The following GOLGA7B variants were observed in gnomAD, a reference collection of about 807,000 sequenced individuals.
The protein encoded by GOLGA7B is golgin subfamily A member 7B.
Under a neutral mutation model 21.5 loss-of-function variants are expected in GOLGA7B, and 17 were observed. The ratio of observed to expected loss-of-function variants is 0.79; its 90% confidence interval spans 0.54 to 1.19. The LOEUF (loss-of-function observed/expected upper bound fraction) is 1.19. Among genes scored for constraint, GOLGA7B ranks in the 50% most tolerant of loss-of-function variants. GOLGA7B has a pLI of 0.00. For synonymous variants in GOLGA7B, 87 were observed against 84.0 expected (o/e 1.04, Z -0.19); for missense variants, 169 against 224.4 (o/e 0.75, Z 1.58).
In GOLGA7B at chr10:97,864,097, C is replaced by T. The variant is rs746595503; in HGVS notation, c.291+15C>T. 1 of 1,613,930 alleles carries T rather than the reference C, an allele frequency of 6.2e-7. No individual in the cohort carries two copies. Among genetic ancestry groups the T allele is most frequent in the Non-Finnish European group, 8.5e-7 (1 of 1,179,810 alleles). On this transcript the variant is annotated intron_variant, in intron 3 of 4. Transcript: ENST00000370602. The stretch of plus-strand genomic sequence containing the variant: ...ACTATGAGAAGGTGGCCCCTCCCGC[C>T]CCACCGTGCATCCCTTCCCTCAGGG...
At chr10:97,851,873 T>G (rs531652218) in intron 1 of GOLGA7B, among the ~76,000 whole-genome samples, 6 of 152,342 alleles carry the variant, frequency 3.9e-5, no homozygotes, top group African/African-American at 1.4e-4. Flanking sequence ...CTATGAGACA[T>G]GTGTGACTCT....
chr10:97,860,109 A>G (rs1003874740), intron 2 of GOLGA7B, among the ~76,000 whole-genome samples: 1 of 152,222 alleles, frequency 6.6e-6, no homozygotes, highest in Non-Finnish European at 1.5e-5. Context: ...TAATTTTGAA[A>G]TGAATTTTAA....
chr10:97,869,460 T>C lies in GOLGA7B; in HGVS notation c.*3760T>C, dbSNP rs2050066452. ...GGAGCAGCTCCAGCCTCAGCCAGAC[T>C]GTCCCCGAGGTCCCAAGTGAGGCCC... On this transcript the variant is annotated 3_prime_UTR_variant, in exon 5 of 5. Coordinates refer to ENST00000370602, the MANE Select transcript of GOLGA7B (RefSeq NM_001010917.3). 1 of 152,692 alleles carries C rather than the reference T, an allele frequency of 6.5e-6. No homozygotes were observed. Among genetic ancestry groups the C allele is most frequent in the South Asian group, 2.1e-4 (1 of 4,844 alleles). 9.5% of individuals were successfully genotyped at this position (152,692 alleles called of 1,614,324 possible).
intron 2 of GOLGA7B, 63 bp from the exon 3 acceptor site, chr10:97,863,867 C>G: frequency 6.6e-6 from 10 of 1,525,026 alleles, no homozygotes; most frequent in Non-Finnish European, 8.9e-6. Context: ...ACTTCCAGCC[C>G]TACCTGTGAC....
At chr10:97,854,694 A>G (rs1282199697) in intron 1 of GOLGA7B, among the ~76,000 whole-genome samples, 1 of 152,188 alleles carries the variant, frequency 6.6e-6, no homozygotes, top group Non-Finnish European at 1.5e-5. Flanking sequence ...TACTCTGGCT[A>G]CTTGAGAACC....
intron 4 of GOLGA7B, chr10:97,865,122 A>G (rs1456760597): frequency 6.3e-6 from 1 of 158,666 alleles, no homozygotes; most frequent in East Asian, 1.9e-4. Context: ...CCAAGATTCT[A>G]TTCTTAATCC....
rs1317851649 is a variant in GOLGA7B, at chr10:97,866,187, G to A, written c.*487G>A. 1 of 156,962 alleles carries A rather than the reference G, an allele frequency of 6.4e-6. No homozygotes were observed. Among genetic ancestry groups the A allele is most frequent in the East Asian group, 1.9e-4 (1 of 5,326 alleles). The allele number at this position is 156,962 out of a possible 1,614,324, so 9.7% of individuals were successfully genotyped here. On this transcript the variant is annotated 3_prime_UTR_variant, in exon 5 of 5. Coordinates refer to ENST00000370602, the MANE Select transcript of GOLGA7B (RefSeq NM_001010917.3). ...TCTGTTCCTTCTCATGCCCCTGCAG[G>A]GCCCCGGCCTGTCTATGATCCTGCC...
intron 1 of GOLGA7B, among the ~76,000 whole-genome samples, chr10:97,851,434 G>A (rs904556685): frequency 1.3e-5 from 2 of 152,182 alleles, no homozygotes; most frequent in African/African-American, 4.8e-5. Context: ...CTGTTGCTTG[G>A]CATTGCTTGG....
chr10:97,850,650 T>A (rs918482963), intron 1 of GOLGA7B, among the ~76,000 whole-genome samples: 1 of 152,134 alleles, frequency 6.6e-6, no homozygotes, highest in Non-Finnish European at 1.5e-5. Context: ...CGCGTGTGTG[T>A]GCGTGTGTGA....
chr10:97,850,253 C>A lies in GOLGA7B; in HGVS notation c.-51C>A. The A allele has an allele frequency of 1.4e-6, 2 of 1,412,122 alleles. No homozygotes were observed. Among genetic ancestry groups the A allele is most frequent in the Non-Finnish European group, 1.9e-6 (2 of 1,066,828 alleles). The allele number at this position is 1,412,122 out of a possible 1,614,324, so 87.5% of individuals were successfully genotyped here. ...CCACCTGCTCCCGGGGTCAGCACCG[C>A]GGAGACCCCCCTCGCCCGGCCCCGC... On this transcript the variant is annotated 5_prime_UTR_variant, in exon 1 of 5. Coordinates refer to ENST00000370602, the MANE Select transcript of GOLGA7B (RefSeq NM_001010917.3).
At chr10:97,865,545 T>A (rs532338143) in intron 4 of GOLGA7B, 45 bp from the exon 5 acceptor site, 2 of 1,605,424 alleles carry the variant, frequency 1.2e-6, no homozygotes, top group African/African-American at 2.7e-5. Flanking sequence ...GTCCCACCCC[T>A]GCTCAGCAGC....
At position 97,863,985 on chromosome 10, in the gene GOLGA7B, A is replaced by T; in HGVS notation, c.194A>T (p.Glu65Val). 1.9e-6 allele frequency: 3 copies of T among 1,614,192 alleles called. No individual in the cohort carries two copies. Among genetic ancestry groups the T allele is most frequent in the Non-Finnish European group, 2.5e-6 (3 of 1,180,028 alleles). Residue 65 changes from glutamate to valine, a missense_variant, in exon 3 of 5, where the codon GAG becomes GTG. By Grantham distance (121) the Glu-to-Val change is moderately radical (BLOSUM62 -2). Transcript: ENST00000370602. The stretch of plus-strand genomic sequence containing the variant: ...AAGACCCTCAACGGATTTTACGCAG[A>T]GGCTGAGAAGATTGGGGGCAGCTCC... ...TVKTLNGFYA[E>V]AEKIGGSSYL...
chr10:97,868,944 A>C lies in GOLGA7B; in HGVS notation c.*3244A>C, dbSNP rs1471765429. The C allele has an allele frequency of 1.3e-5, 2 of 152,256 alleles. No homozygotes were observed. Among genetic ancestry groups the C allele is most frequent in the Non-Finnish European group, 2.9e-5 (2 of 68,048 alleles). The allele number at this position is 152,256 out of a possible 1,614,324, so 9.4% of individuals were successfully genotyped here. A position where few individuals can be genotyped will look rare whatever the true frequency, so the allele number is the denominator to read the frequency against. On this transcript the variant is annotated 3_prime_UTR_variant, in exon 5 of 5. Transcript: ENST00000370602. ...ACATAATTAGTCATTCAATTCTCAC[A>C]GCAACCCTCTATGGCATGGATTCTT...
chr10:97,856,200 C>T (rs142079184), intron 1 of GOLGA7B, among the ~76,000 whole-genome samples: 18 of 152,190 alleles, frequency 1.2e-4, no homozygotes, highest in East Asian at 1.9e-4. Flanking sequence ...ACATTGTACC[C>T]GATGGGTAAT....
chr10:97,868,081 C>T lies in GOLGA7B; in HGVS notation c.*2381C>T, dbSNP rs1168861688. The T allele has an allele frequency of 6.6e-6, 1 of 152,258 alleles. No homozygotes were observed. 9.4% of individuals were successfully genotyped at this position (152,258 alleles called of 1,614,324 possible). A position where few individuals can be genotyped will look rare whatever the true frequency, so the allele number is the denominator to read the frequency against. ...GCTGGATCACACAGGTCACTCAGTACTGAAGATGAGAAAGTAGCTGGATGA... is the reference window on the plus strand; with the variant it reads ...GCTGGATCACACAGGTCACTCAGTATTGAAGATGAGAAAGTAGCTGGATGA... On this transcript the variant is annotated 3_prime_UTR_variant, in exon 5 of 5. Transcript: ENST00000370602.
At position 97,859,480 on chromosome 10, in the gene GOLGA7B, G is replaced by T. The variant is rs772148450; in HGVS notation, c.35G>T (p.Arg12Leu). 3.7e-6 allele frequency: 6 copies of T among 1,613,942 alleles called. No homozygotes were observed. The highest frequency in any genetic ancestry group is 5.1e-6 in the Non-Finnish European group (6 of 1,179,996). The change falls in exon 2 of 5, where the codon CGG (arginine) becomes CTG (leucine). Residue 12 changes from arginine (R) to leucine (L), a missense_variant. Physicochemically the swap from Arg to Leu is moderately radical, Grantham distance 102. Transcript: ENST00000370602. ...CAGGTCCACAATCTGCAGGAGCTCCGGCGAAGTGCCTCACTGGCCACCAAG... is the reference window on the plus strand; with the variant it reads ...CAGGTCCACAATCTGCAGGAGCTCCTGCGAAGTGCCTCACTGGCCACCAAG... ...ATEVHNLQEL[R>L]RSASLATKVF... is the part of the protein sequence containing the mutation.
chr10:97,850,256 A>T lies in GOLGA7B; in HGVS notation c.-48A>T. 7.1e-7 allele frequency: 1 copy of T among 1,416,828 alleles called. No individual in the cohort carries two copies. The allele number at this position is 1,416,828 out of a possible 1,614,324, so 87.8% of individuals were successfully genotyped here. ...CCTGCTCCCGGGGTCAGCACCGCGGAGACCCCCCTCGCCCGGCCCCGCGAC... is the reference window on the plus strand; with the variant it reads ...CCTGCTCCCGGGGTCAGCACCGCGGTGACCCCCCTCGCCCGGCCCCGCGAC... On this transcript the variant is annotated 5_prime_UTR_variant, in exon 1 of 5. Coordinates refer to ENST00000370602, the MANE Select transcript of GOLGA7B (RefSeq NM_001010917.3).
In GOLGA7B at chr10:97,864,199, A is replaced by G. The variant is rs1177081301; in HGVS notation, c.323A>G (p.Glu108Gly). 1 of 1,614,136 alleles carries G rather than the reference A, an allele frequency of 6.2e-7. No individual in the cohort carries two copies. Among genetic ancestry groups the G allele is most frequent in the East Asian group, 2.2e-5 (1 of 44,878 alleles). The change falls in exon 4 of 5, where the codon GAG (glutamate) becomes GGG (glycine). Residue 108 changes from glutamate (E) to glycine (G), a missense_variant. By Grantham distance (98) the Glu-to-Gly change is moderately conservative (BLOSUM62 -2). Coordinates refer to ENST00000370602, the MANE Select transcript of GOLGA7B (RefSeq NM_001010917.3). ...AAGAAGATTTCCCGCTACATCCAGG[A>G]GCAGAATGAGAAGATCTTTGCACCT... is the stretch of plus-strand genomic sequence containing the variant. ...VLKKISRYIQ[E>G]QNEKIFAPRG...
rs1325135872 is a variant in GOLGA7B, at chr10:97,868,682, GT to G, written c.*2986del. 1 of 152,176 alleles carries G rather than the reference GT, an allele frequency of 6.6e-6. No homozygotes were observed. Among genetic ancestry groups the G allele is most frequent in the African/African-American group, 2.4e-5 (1 of 41,460 alleles). 9.4% of individuals were successfully genotyped at this position (152,176 alleles called of 1,614,324 possible). The stretch of plus-strand genomic sequence containing the variant: ...TCTAATATGAGGGCAGGTTCATTCT[GT>G]TTTGGGATAGGAAGTTTGTTCTACC... On this transcript the variant is annotated 3_prime_UTR_variant, in exon 5 of 5. Transcript: ENST00000370602.
Sources: gnomAD v4.1 joint callset for allele counts (sites outside exome capture counted in the v4.1 genomes callset) on GRCh38, gnomAD v4.1.1 for gene constraint, MANE v1.5 for transcripts, NCBI Gene and HGNC (gene_info 2026-07-23, HGNC 2026-07-21) for gene names.